Variants in KLF8 observed in about 807,000 individuals in gnomAD.
KLF8 encodes the protein KLF transcription factor 8, also known as Krueppel-like factor 8.
In KLF8, 10 loss-of-function variants were observed where a neutral mutation model predicts 18.2. The observed-to-expected ratio is 0.55, with a 90% CI of 0.34 to 0.93. KLF8 has a LOEUF of 0.93. Ranked by LOEUF, KLF8 falls within the 40% of genes least tolerant of loss-of-function variation. The probability of loss-of-function intolerance (pLI) is 0.02; values close to 1 mark genes in which losing one functional copy is unlikely to be tolerated. For missense variants in KLF8, 264 were observed against 277.9 expected, an observed-to-expected ratio of 0.95 and a Z score of 0.36; for synonymous variants, 109 against 97.3, an observed-to-expected ratio of 1.12 and a Z score of -0.71.
At chrX:56,108,616 G>A in the KLF8 span, among the ~76,000 whole-genome samples, 1 of 111,434 alleles carries the variant, frequency 9.0e-6, no homozygotes. Context: ...GTTTGATAAT[G>A]TTGTTGATCT....
chrX:55,954,376 A>G, the KLF8 span, among the ~76,000 whole-genome samples: 1 of 112,047 alleles, frequency 8.9e-6, no homozygotes, highest in Non-Finnish European at 1.9e-5. Context: ...TTCACAAAAA[A>G]ATAGACAAAG....
the KLF8 span, among the ~76,000 whole-genome samples, chrX:56,060,631 A>G: frequency 8.9e-6 from 1 of 111,750 alleles, no homozygotes; most frequent in African/African-American, 3.3e-5. Flanking sequence ...CATCAGGGAT[A>G]TTGGCCTGAA....
chrX:56,041,235 T>C, the KLF8 span, among the ~76,000 whole-genome samples: 2 of 109,832 alleles, frequency 1.8e-5, no homozygotes, highest in African/African-American at 6.6e-5. Flanking sequence ...GCGATTCTCC[T>C]GCTTCAGCCC....
At chrX:56,227,615 T>C (rs1402431511), upstream of KLF8, among the ~76,000 whole-genome samples, 1 of 111,654 alleles carries the variant, frequency 9.0e-6, no homozygotes. Context: ...AGTGCTGGGA[T>C]TACAGGCGTG....
the KLF8 span, among the ~76,000 whole-genome samples, chrX:56,144,929 A>T: frequency 9.4e-6 from 1 of 106,699 alleles, no homozygotes; most frequent in Non-Finnish European, 1.9e-5. Context: ...AGTAGCTGGG[A>T]TTACAGGCTC....
chrX:55,991,432 C>T, the KLF8 span, among the ~76,000 whole-genome samples: 7 of 112,018 alleles, frequency 6.2e-5, no homozygotes, highest in East Asian at 2.8e-4. Flanking sequence ...AAGGGAATTC[C>T]GTGACCCCTT....
chrX:55,998,825 T>TTTTG, the KLF8 span, among the ~76,000 whole-genome samples: 1 of 110,183 alleles, frequency 9.1e-6, no homozygotes. Context: ...TTTTTTTTTT[T>TTTTG]TAGCAGAAGC....
chrX:56,187,121 A>C, the KLF8 span, among the ~76,000 whole-genome samples: 1 of 110,886 alleles, frequency 9.0e-6, no homozygotes, highest in Non-Finnish European at 1.9e-5. Flanking sequence ...TTGATAGACC[A>C]CTAGCAAGAC....
the KLF8 span, among the ~76,000 whole-genome samples, chrX:56,132,406 G>A: frequency 1.8e-5 from 2 of 111,513 alleles, no homozygotes; most frequent in South Asian, 3.7e-4. Flanking sequence ...ACAATGAAAT[G>A]AAGAGGCAAA....
chrX:56,085,044 T>C, the KLF8 span, among the ~76,000 whole-genome samples: 19 of 111,870 alleles, frequency 1.7e-4, no homozygotes. Context: ...TATAAGGTTT[T>C]GAAATGATGA....
At chrX:56,053,497 T>A in the KLF8 span, among the ~76,000 whole-genome samples, 4 of 109,177 alleles carry the variant, frequency 3.7e-5, no homozygotes, top group African/African-American at 1.3e-4. Flanking sequence ...ACTTGCTAGG[T>A]TTTGATGTCA....
chrX:56,139,275 T>C, the KLF8 span, among the ~76,000 whole-genome samples: 1 of 111,713 alleles, frequency 9.0e-6, no homozygotes, highest in Non-Finnish European at 1.9e-5. Flanking sequence ...CTACCAACAA[T>C]ATTTTTCACA....
chrX:56,178,354 G>T, the KLF8 span, among the ~76,000 whole-genome samples: 1 of 112,084 alleles, frequency 8.9e-6, no homozygotes, highest in Non-Finnish European at 1.9e-5. Context: ...TTGTAAGTTT[G>T]TTTAGTTCTT....
the KLF8 span, among the ~76,000 whole-genome samples, chrX:55,999,199 C>T: frequency 6.7e-5 from 7 of 105,168 alleles, no homozygotes; most frequent in East Asian, 2.9e-4. Context: ...TATTGGTCTA[C>T]GGGGGTATTT....
At chrX:56,047,062 A>AT in the KLF8 span, among the ~76,000 whole-genome samples, 113 of 102,888 alleles carry the variant, frequency 1.1e-3, no homozygotes, top group East Asian at 0.012. Context: ...TCATTTTTTA[A>AT]TTTTTTTTTT....
chrX:56,152,644 TG>T, the KLF8 span, among the ~76,000 whole-genome samples: 1 of 110,649 alleles, frequency 9.0e-6, no homozygotes, highest in Non-Finnish European at 1.9e-5. Context: ...GAAACTTGGG[TG>T]GGGGTGAAGG....
chrX:56,174,412 A>G, the KLF8 span, among the ~76,000 whole-genome samples: 4 of 111,832 alleles, frequency 3.6e-5, no homozygotes. Context: ...TAATTTTCGT[A>G]TGTTGAACCA....
the KLF8 span, among the ~76,000 whole-genome samples, chrX:55,921,083 G>A: frequency 1.6e-4 from 18 of 112,152 alleles, no homozygotes; most frequent in South Asian, 5.2e-3. Context: ...TAATCAGAAT[G>A]AACAGACAAC....
chrX:56,068,252 C>T, the KLF8 span, among the ~76,000 whole-genome samples: 3 of 111,568 alleles, frequency 2.7e-5, no homozygotes, highest in Non-Finnish European at 3.8e-5. Flanking sequence ...GGAAAATACC[C>T]GGATGGCAGA....
Sources: gnomAD v4.1 joint callset for allele counts (sites outside exome capture counted in the v4.1 genomes callset) on GRCh38, gnomAD v4.1.1 for gene constraint, MANE v1.5 for transcripts, NCBI Gene and HGNC (gene_info 2026-07-23, HGNC 2026-07-21) for gene names.